The following PDE10A variants were observed in gnomAD, a reference collection of about 807,000 sequenced individuals.
PDE10A encodes cAMP and cAMP-inhibited cGMP 3',5'-cyclic phosphodiesterase 10A.
In PDE10A, 39 loss-of-function variants were observed where a neutral mutation model predicts 97.7. The observed-to-expected ratio is 0.40, with a 90% CI of 0.31 to 0.52. PDE10A has a LOEUF of 0.52. Ranked by LOEUF, PDE10A falls within the 20% of genes least tolerant of loss-of-function variation. The pLI is 0.56. For missense variants in PDE10A, 731 were observed against 1,047.8 expected, an observed-to-expected ratio of 0.70 and a Z score of 4.17; for synonymous variants, 371 against 376.8, an observed-to-expected ratio of 0.98 and a Z score of 0.18.
At chr6:165,666,661 G>A (rs758182550), upstream of PDE10A, among the ~76,000 whole-genome samples, 3 of 106,034 alleles carry the variant, frequency 2.8e-5, no homozygotes, top group Non-Finnish European at 3.8e-5. Context: ...CCCCACCCCC[G>A]CAGTCCCTCA....
At chr6:165,479,037 T>C (rs1779452865) in intron 3 of PDE10A, among the ~76,000 whole-genome samples, 1 of 152,176 alleles carries the variant, frequency 6.6e-6, no homozygotes, top group African/African-American at 2.4e-5. Context: ...GTAGCCCAAC[T>C]ATTCTGGACA....
chr6:165,957,873 A>G (rs937763379), intron 1 of PDE10A, among the ~76,000 whole-genome samples: 3 of 152,188 alleles, frequency 2.0e-5, no homozygotes, highest in African/African-American at 7.2e-5. Context: ...GGGGAGTCTG[A>G]ATTAGGTCCA....
intron 1 of PDE10A, among the ~76,000 whole-genome samples, chr6:165,980,948 G>A (rs1384882845): frequency 6.6e-6 from 1 of 152,084 alleles, no homozygotes; most frequent in East Asian, 1.9e-4. Context: ...ATTTCTGCTT[G>A]CCTGAGAAAC....
chr6:165,954,464 A>C (rs1784068511), intron 1 of PDE10A, among the ~76,000 whole-genome samples: 1 of 152,228 alleles, frequency 6.6e-6, no homozygotes, highest in South Asian at 2.1e-4. Context: ...TACGGGTAAG[A>C]AGCCCTCAGC....
intron 1 of PDE10A, among the ~76,000 whole-genome samples, chr6:165,668,995 C>T (rs1790572361): frequency 6.6e-6 from 1 of 152,206 alleles, no homozygotes; most frequent in Non-Finnish European, 1.5e-5. Context: ...GCTGATGCCT[C>T]ATGATAGAAG....
intron 1 of PDE10A, among the ~76,000 whole-genome samples, chr6:165,659,601 T>A (rs1267558908): frequency 6.6e-6 from 1 of 152,214 alleles, no homozygotes; most frequent in Non-Finnish European, 1.5e-5. Context: ...GTTTACTACC[T>A]CAGTCATGTC....
intron 2 of PDE10A, among the ~76,000 whole-genome samples, chr6:165,533,524 C>T (rs1286527541): frequency 1.3e-5 from 2 of 152,116 alleles, no homozygotes; most frequent in African/African-American, 2.4e-5. Flanking sequence ...CACCTTCCTT[C>T]GTAGAGGTGG....
At chr6:165,919,888 A>G (rs1782708869) in intron 1 of PDE10A, among the ~76,000 whole-genome samples, 1 of 152,166 alleles carries the variant, frequency 6.6e-6, no homozygotes, top group Non-Finnish European at 1.5e-5. Flanking sequence ...GATAATTTTC[A>G]GGTGCATTCT....
At chr6:165,964,301 G>T (rs1310976950) in intron 1 of PDE10A, among the ~76,000 whole-genome samples, 1 of 152,178 alleles carries the variant, frequency 6.6e-6, no homozygotes, top group African/African-American at 2.4e-5. Context: ...TCAGCCGCCA[G>T]CTCCTCATTT....
chr6:165,567,890 T>C (rs1405720296), intron 1 of PDE10A, among the ~76,000 whole-genome samples: 2 of 152,140 alleles, frequency 1.3e-5, no homozygotes, highest in African/African-American at 4.8e-5. Flanking sequence ...TTATCTGCTT[T>C]GACCTCAAGA....
intron 1 of PDE10A, among the ~76,000 whole-genome samples, chr6:165,873,214 C>T (rs112305880): frequency 6.6e-6 from 1 of 152,138 alleles, no homozygotes; most frequent in African/African-American, 2.4e-5. Flanking sequence ...ATGTCAAAAT[C>T]ATCTCCTCTG....
chr6:165,795,105 C>T (rs1778794739), intron 1 of PDE10A, among the ~76,000 whole-genome samples: 3 of 152,370 alleles, frequency 2.0e-5, no homozygotes, highest in South Asian at 4.1e-4. Context: ...CTCTTCCCGG[C>T]AATGGCTCCT....
intron 2 of PDE10A, among the ~76,000 whole-genome samples, chr6:165,507,872 T>C (rs1025192851): frequency 2.0e-5 from 3 of 152,042 alleles, no homozygotes; most frequent in Non-Finnish European, 2.9e-5. Flanking sequence ...CAAAATGTCA[T>C]CTAAAATGAA....
At chr6:165,694,372 G>A (rs147136792) in intron 1 of PDE10A, among the ~76,000 whole-genome samples, 456 of 152,360 alleles carry the variant, frequency 3.0e-3, no homozygotes, top group Non-Finnish European at 5.1e-3. Flanking sequence ...TAACTGAAGT[G>A]GGCTGCGGGC....
chr6:165,697,648 G>A (rs1409428888), intron 1 of PDE10A, among the ~76,000 whole-genome samples: 1 of 152,180 alleles, frequency 6.6e-6, no homozygotes, highest in African/African-American at 2.4e-5. Context: ...TTTATATGAG[G>A]TTCCTAGAGT....
chr6:165,357,593 T>C (rs945679637), intron 18 of PDE10A, among the ~76,000 whole-genome samples: 3 of 152,098 alleles, frequency 2.0e-5, no homozygotes, highest in Non-Finnish European at 4.4e-5. Context: ...GGTTCAAGTA[T>C]AGTAAGCTGG....
intron 1 of PDE10A, among the ~76,000 whole-genome samples, chr6:165,710,767 A>C (rs1019927790): frequency 6.6e-6 from 1 of 152,346 alleles, no homozygotes; most frequent in Admixed American, 6.5e-5. Context: ...TGGCTGCTGT[A>C]TTAATCAAGA....
chr6:165,823,361 C>A, intron 1 of PDE10A, among the ~76,000 whole-genome samples: 1 of 150,278 alleles, frequency 6.7e-6, no homozygotes, highest in East Asian at 2.0e-4. Context: ...TCACTGTCTC[C>A]CACCTCCACC....
At chr6:165,361,183 C>G (rs1160336453) in intron 18 of PDE10A, among the ~76,000 whole-genome samples, 1 of 152,060 alleles carries the variant, frequency 6.6e-6, no homozygotes, top group Non-Finnish European at 1.5e-5. Flanking sequence ...ACAAGATAAG[C>G]AGTACAGAAA....
Sources: allele counts gnomAD v4.1 joint callset (sites outside exome capture counted in the v4.1 genomes callset), GRCh38; gene constraint gnomAD v4.1.1; transcripts MANE v1.5; gene names NCBI Gene and HGNC (gene_info 2026-07-23, HGNC 2026-07-21).